DMGDH: variants seen among roughly 807,000 people sequenced by gnomAD.
DMGDH encodes the protein dimethylglycine dehydrogenase.
A neutral mutation model predicts 95.2 loss-of-function variants in DMGDH; 76 were observed. The observed-to-expected ratio is 0.80, with a 90% CI of 0.66 to 0.97. The LOEUF (loss-of-function observed/expected upper bound fraction) is 0.97, where lower values mean the gene tolerates loss of function less well. Ranked by LOEUF, DMGDH falls within the 50% of genes least tolerant of loss-of-function variation. The probability of loss-of-function intolerance (pLI) is 0.00; values close to 1 mark genes in which losing one functional copy is unlikely to be tolerated. For synonymous variants in DMGDH, 345 were observed against 377.6 expected (o/e 0.91, Z 1.00); for missense variants, 987 against 1,055.0 (o/e 0.94, Z 0.89).
At position 79,044,301 on chromosome 5, in the gene DMGDH, C is replaced by T. The variant is rs1001204163; in HGVS notation, c.994+3G>A. ...AGCACACACTTTCATTTGCTGAACC[C>T]ACCTGGAGGAACTCCATTGGTGACC... On this transcript the variant is annotated splice_donor_region_variant and intron_variant, in intron 6 of 15. Coordinates refer to ENST00000255189, the MANE Select transcript of DMGDH (RefSeq NM_013391.3). 1.2e-6 allele frequency: 2 copies of T among 1,614,116 alleles called. No individual in the cohort carries two copies. The highest frequency in any genetic ancestry group is 1.7e-6 in the Non-Finnish European group (2 of 1,180,044).
intron 9 of DMGDH, among the ~76,000 whole-genome samples, chr5:79,031,488 G>T (rs1279116032): frequency 6.6e-6 from 1 of 152,250 alleles, no homozygotes; most frequent in Non-Finnish European, 1.5e-5. Flanking sequence ...TTCTGAAGCA[G>T]CAGGTATGGG....
In DMGDH at chr5:79,028,470, G is replaced by A. The variant is rs771607511; in HGVS notation, c.1995C>T (p.Ser665=). ...KFLQTKSLKV[S]NIPVTAIRIS... ...TCCTAATAGCAGTGACAGGAATGTTGGAAACCTTTAAGGACTTGGTTTGAA... is the reference window on the plus strand; with the variant it reads ...TCCTAATAGCAGTGACAGGAATGTTAGAAACCTTTAAGGACTTGGTTTGAA... The change falls in exon 12 of 16, where the codon TCC becomes TCT. Residue 665 remains serine (S), a synonymous_variant. Transcript: ENST00000255189. 1.9e-6 allele frequency: 3 copies of A among 1,613,934 alleles called. No individual in the cohort carries two copies. The highest frequency in any genetic ancestry group is 1.3e-5 in the African/African-American group (1 of 75,006).
rs113597094 is a variant in DMGDH at position 79,000,047 on chromosome 5, C to T, written c.2386-1750G>A. The T allele has an allele frequency of 1.5e-4, 48 of 314,132 alleles. 1 individual carries two copies. Among genetic ancestry groups the T allele is most frequent in the African/African-American group, 9.0e-4 (42 of 46,492 alleles). The allele number at this position is 314,132 out of a possible 1,614,324, so 19.5% of individuals were successfully genotyped here. ...ACAAATATGTTGGAAGAATTGTCACCTCAGCCCATAACTGCAAGTGGATAC... is the reference window on the plus strand; with the variant it reads ...ACAAATATGTTGGAAGAATTGTCACTTCAGCCCATAACTGCAAGTGGATAC... On this transcript the variant is annotated intron_variant, in intron 15 of 15. Coordinates refer to ENST00000255189, the MANE Select transcript of DMGDH (RefSeq NM_013391.3).
chr5:79,009,115 A>T (rs1753598058), intron 14 of DMGDH, among the ~76,000 whole-genome samples: 1 of 152,162 alleles, frequency 6.6e-6, no homozygotes, highest in Non-Finnish European at 1.5e-5. Context: ...GGTGGCCGGA[A>T]CCTATTTTGA....
intron 14 of DMGDH, among the ~76,000 whole-genome samples, chr5:79,008,360 T>C (rs1394204203): frequency 9.3e-5 from 13 of 139,348 alleles, no homozygotes; most frequent in Admixed American, 9.1e-4. Context: ...CATTATAATC[T>C]GATCTACACA....
intron 1 of DMGDH, 60 bp downstream of exon 1, chr5:79,069,460 C>G: frequency 9.1e-7 from 1 of 1,095,042 alleles, no homozygotes; most frequent in Non-Finnish European, 1.2e-6. Context: ...CTGCCTCAGC[C>G]TCTGGCTCCC....
intron 1 of DMGDH, among the ~76,000 whole-genome samples, chr5:79,068,938 C>T (rs1755460214): frequency 6.6e-6 from 1 of 152,232 alleles, no homozygotes; most frequent in South Asian, 2.1e-4. Flanking sequence ...TTCAATCTTT[C>T]AGATGCACGT....
chr5:79,068,692 A>T (rs1561235246), intron 1 of DMGDH, among the ~76,000 whole-genome samples: 1 of 152,276 alleles, frequency 6.6e-6, no homozygotes, highest in African/African-American at 2.4e-5. Flanking sequence ...CTGATAAACA[A>T]GCCTTTCCTG....
intron 14 of DMGDH, among the ~76,000 whole-genome samples, chr5:79,006,215 CA>C (rs56141633): frequency 0.56 from 71,485 of 127,716 alleles, 20,140 homozygotes; most frequent in Non-Finnish European, 0.66. Context: ...TTATGTGTTA[CA>C]AAAAAAAAAA....
chr5:79,051,360 G>A lies in DMGDH; in HGVS notation c.672C>T (p.Ala224=), dbSNP rs748858777. Residue 224 remains alanine (A), a synonymous_variant, in exon 5 of 16, where the codon GCC becomes GCT. Coordinates refer to ENST00000255189, the MANE Select transcript of DMGDH (RefSeq NM_013391.3). The stretch of plus-strand genomic sequence containing the variant: ...CAACGTCCCATGTTCCATCTGACCT[G>A]GCTTTCAGAGAAGTTACTGGTGCAG... ...KYPAPVTSLK[A]RSDGTWDVET... is the part of the protein sequence containing the mutation. 6.2e-7 allele frequency: 1 copy of A among 1,614,098 alleles called. No individual in the cohort carries two copies. The highest frequency in any genetic ancestry group is 1.1e-5 in the South Asian group (1 of 91,070).
chr5:79,063,664 A>T lies in DMGDH; in HGVS notation c.225T>A (p.Asp75Glu). Residue 75 changes from aspartate to glutamate, a missense_variant, in exon 2 of 16, where the codon GAT becomes GAA. Physicochemically the swap from Asp to Glu is conservative, Grantham distance 45. Transcript: ENST00000255189. ...GCTCTGATTTCTCCAGCAGGACCACATCTTTCATCCCTGCTTTGGCCAGGT... is the reference window on the plus strand; with the variant it reads ...GCTCTGATTTCTCCAGCAGGACCACTTCTTTCATCCCTGCTTTGGCCAGGT... ...AYHLAKAGMK[D>E]VVLLEKSELT... 1 of 1,614,206 alleles carries T rather than the reference A, an allele frequency of 6.2e-7. No individual in the cohort carries two copies. Among genetic ancestry groups the T allele is most frequent in the Non-Finnish European group, 8.5e-7 (1 of 1,180,038 alleles).
chr5:79,019,753 C>T (rs150777234), intron 14 of DMGDH, among the ~76,000 whole-genome samples: 8 of 152,148 alleles, frequency 5.3e-5, no homozygotes, highest in African/African-American at 1.7e-4. Flanking sequence ...GGCATGGTGG[C>T]GGGTGCTTGT....
rs577738260 is a variant in DMGDH at position 79,041,206 on chromosome 5, T to C, written c.1193+1077A>G. 7.6e-4 allele frequency among the ~76,000 whole-genome samples: 116 copies of C among 152,364 alleles called. 1 individual carries two copies. The highest frequency in any genetic ancestry group is 6.0e-4 in the Non-Finnish European group (41 of 68,026). ...CTTGGTAGAGACCCCAGCTTCTCTA[T>C]TGGATCAGCAGAGCTGTGCCTCAGG... On this transcript the variant is annotated intron_variant, in intron 7 of 15. Transcript: ENST00000255189.
rs1056344032 is a variant in DMGDH at position 79,031,063 on chromosome 5, A to G, written c.1518-65T>C. 6 of 1,564,266 alleles carry G rather than the reference A, an allele frequency of 3.8e-6. No homozygotes were observed. In the African/African-American group the frequency reaches 4.1e-5, roughly 11 times the overall value. On this transcript the variant is annotated intron_variant, in intron 9 of 15. Coordinates refer to ENST00000255189, the MANE Select transcript of DMGDH (RefSeq NM_013391.3). ...CATTTTTCAAAAATTACAGAATACG[A>G]TATTTTAATAAGCCCTACTCATCTA...
At chr5:79,011,856 C>T (rs1371023470) in intron 14 of DMGDH, among the ~76,000 whole-genome samples, 1 of 152,168 alleles carries the variant, frequency 6.6e-6, no homozygotes, top group African/African-American at 2.4e-5. Context: ...AATCTGCCCC[C>T]ATGATCCAAT....
rs1190365883 is a variant in DMGDH at position 79,069,567 on chromosome 5, C to A, written c.54G>T (p.Pro18=). ...LLRGLLLRSC[P]LQGSPGRPRS... is the part of the protein sequence containing the mutation. Reference sequence around the variant, plus strand: ...GCGGGCGCCCGGGGGAGCCCTGCAGCGGGCAGCTCCGCAGCAGGAGGCCCC... The same window carrying A: ...GCGGGCGCCCGGGGGAGCCCTGCAGAGGGCAGCTCCGCAGCAGGAGGCCCC... Residue 18 remains proline (P), a synonymous_variant, in exon 1 of 16, where the codon CCG becomes CCT. Transcript: ENST00000255189. The A allele has an allele frequency of 1.5e-6, 2 of 1,341,804 alleles. No individual in the cohort carries two copies. Among genetic ancestry groups the A allele is most frequent in the Non-Finnish European group, 1.9e-6 (2 of 1,047,458 alleles). 83.1% of individuals were successfully genotyped at this position (1,341,804 alleles called of 1,614,324 possible).
chr5:79,051,062 A>G (rs1754837842), intron 5 of DMGDH, among the ~76,000 whole-genome samples: 1 of 152,200 alleles, frequency 6.6e-6, no homozygotes, highest in South Asian at 2.1e-4. Flanking sequence ...TGCAGAATGG[A>G]GAAAATAAGC....
intron 1 of DMGDH, among the ~76,000 whole-genome samples, chr5:79,065,502 A>G (rs1755352499): frequency 6.6e-6 from 1 of 152,146 alleles, no homozygotes; most frequent in South Asian, 2.1e-4. Context: ...ATGAGCCACC[A>G]TGCCCGGCCA....
intron 14 of DMGDH, among the ~76,000 whole-genome samples, chr5:79,012,095 C>T (rs572710816): frequency 1.3e-5 from 2 of 152,122 alleles, no homozygotes; most frequent in African/African-American, 4.8e-5. Flanking sequence ...AAGGCTAGTC[C>T]CTTCTGCCTA....
Sources: gnomAD v4.1 joint callset for allele counts (sites outside exome capture counted in the v4.1 genomes callset) on GRCh38, gnomAD v4.1.1 for gene constraint, MANE v1.5 for transcripts, NCBI Gene and HGNC (gene_info 2026-07-23, HGNC 2026-07-21) for gene names.